MAST4: variants seen among roughly 807,000 people sequenced by gnomAD.
MAST4 encodes the protein microtubule-associated serine/threonine-protein kinase 4.
MAST4 carries 89 observed loss-of-function variants against 162.7 expected under a neutral mutation model. That is an observed-to-expected ratio of 0.55 (90% CI 0.46 to 0.65). The LOEUF (loss-of-function observed/expected upper bound fraction) is 0.65, where lower values mean the gene tolerates loss of function less well. Among genes scored for constraint, MAST4 ranks in the 30% least tolerant of loss-of-function variants. The pLI is 0.00. For missense variants in MAST4, 3,153 were observed against 3,374.0 expected (o/e 0.93, Z 1.62); for synonymous variants, 1,479 against 1,361.1 (o/e 1.09, Z -1.91).
intron 1 of MAST4, among the ~76,000 whole-genome samples, chr5:66,668,776 T>C (rs1046809516): frequency 5.9e-5 from 9 of 152,222 alleles, no homozygotes; most frequent in African/African-American, 1.9e-4. Context: ...TGTCCATGTT[T>C]GTGAAATATG....
intron 3 of MAST4, among the ~76,000 whole-genome samples, chr5:66,800,597 G>A (rs1755869831): frequency 6.6e-6 from 1 of 151,884 alleles, no homozygotes; most frequent in Non-Finnish European, 1.5e-5. Flanking sequence ...ATGGGTACTG[G>A]GATTAATACC....
chr5:66,883,325 T>C (rs764934960), intron 3 of MAST4, among the ~76,000 whole-genome samples: 23 of 152,080 alleles, frequency 1.5e-4, no homozygotes, highest in Non-Finnish European at 2.1e-4. Flanking sequence ...ATAGGAAATT[T>C]GTTCAAGGAG....
Position 67,163,803 on chromosome 5 carries a change from G to A in MAST4, c.4624G>A (p.Asp1542Asn). ...GGCCAAGGTGGTGGTGAAGAAAGCA[G>A]ACGGCTTCCCAGAGAAACAGGAATC... ...LKAKVVVKKA[D>N]GFPEKQESHQ... Residue 1542 changes from aspartate to asparagine, a missense_variant, in exon 29 of 29, where the codon GAC becomes AAC. Physicochemically the swap from Asp to Asn is conservative, Grantham distance 23 (BLOSUM62 1). Around this residue, in one of 7 missense-constraint regions of MAST4, gnomAD observed 1,644 missense variants for 1,495.0 expected, o/e 1.10. Coordinates refer to ENST00000403625, the MANE Select transcript of MAST4 (RefSeq NM_001164664.2). This position sits in a 1 kb window ranked among gnomAD's most constrained non-coding sequence, Gnocchi z 7.0. 2 of 1,612,552 alleles carry A rather than the reference G, an allele frequency of 1.2e-6. No individual in the cohort carries two copies. The highest frequency in any genetic ancestry group is 1.7e-6 in the Non-Finnish European group (2 of 1,179,224).
rs992822516 is a variant in MAST4, at chr5:67,079,289, A to G, written c.764-10873A>G. ...ATATTTGGTGCTGAAAGGTGATAAT[A>G]GAGATTTAGATGGGCTAACACAGAA... On this transcript the variant is annotated intron_variant, in intron 5 of 28. Transcript: ENST00000403625. Among the ~76,000 whole-genome samples the G allele has an allele frequency of 6.6e-5, 10 of 152,266 alleles. No homozygotes were observed. In the East Asian group the frequency reaches 1.7e-3, roughly 26 times the overall value.
At chr5:66,757,040 T>G (rs1449951265) in intron 1 of MAST4, among the ~76,000 whole-genome samples, 1 of 152,210 alleles carries the variant, frequency 6.6e-6, no homozygotes, top group Non-Finnish European at 1.5e-5. Flanking sequence ...TCTCCTTGAT[T>G]TCCTTCTCTT....
intron 2 of MAST4, among the ~76,000 whole-genome samples, chr5:66,782,831 C>T (rs1257067528): frequency 2.0e-5 from 3 of 152,182 alleles, no homozygotes; most frequent in Non-Finnish European, 4.4e-5. Flanking sequence ...ATGCCATTGA[C>T]AGATGCTAAT....
chr5:67,142,415 C>A lies in MAST4; in HGVS notation c.2618-6C>A. On this transcript the variant is annotated splice_region_variant and splice_polypyrimidine_tract_variant and intron_variant, in intron 20 of 28. Transcript: ENST00000403625. ...ATTGGACCTGTTCCCAAACATTTCA[C>A]TGCAGCTCGGTCTGAGAAGTATCAT... 6.3e-7 allele frequency: 1 copy of A among 1,584,302 alleles called. No homozygotes were observed. Among genetic ancestry groups the A allele is most frequent in the Non-Finnish European group, 8.6e-7 (1 of 1,162,498 alleles).
chr5:66,774,994 CCTGT>C (rs1318756229), intron 2 of MAST4, among the ~76,000 whole-genome samples: 15 of 102,218 alleles, frequency 1.5e-4, no homozygotes, highest in African/African-American at 5.0e-4. Context: ...ATATCCTTTT[CCTGT>C]GTGTGTGTGT....
Position 66,775,683 on chromosome 5 carries a change from C to A in MAST4, c.518-12987C>A, listed in dbSNP as rs76634232. ...ATGGTTCTTCAAAAGAACAATGGTT[C>A]TTTTGCTTTGAAACCAGGCAGAATG... On this transcript the variant is annotated intron_variant, in intron 2 of 28. Transcript: ENST00000403625. Among the ~76,000 whole-genome samples the A allele has an allele frequency of 2.3e-3, 344 of 152,076 alleles. 2 individuals are homozygous for A. The highest frequency in any genetic ancestry group is 7.9e-3 in the African/African-American group (328 of 41,506).
chr5:66,897,532 G>A (rs1164728238), intron 3 of MAST4, among the ~76,000 whole-genome samples: 1 of 152,182 alleles, frequency 6.6e-6, no homozygotes, highest in Non-Finnish European at 1.5e-5. Flanking sequence ...ACAAGGTCTT[G>A]GCCACAGCAC....
intron 1 of MAST4, among the ~76,000 whole-genome samples, chr5:66,708,476 C>A (rs1750284052): frequency 6.6e-6 from 1 of 152,148 alleles, no homozygotes; most frequent in South Asian, 2.1e-4. Flanking sequence ...CTAACAGACT[C>A]TAGGTGAGCC....
intron 3 of MAST4, among the ~76,000 whole-genome samples, chr5:66,897,894 A>G (rs1762784114): frequency 6.6e-6 from 1 of 152,194 alleles, no homozygotes; most frequent in African/African-American, 2.4e-5. Context: ...CAAAGCAGCC[A>G]GTTTATGCTC....
chr5:66,883,270 A>G (rs925733739), intron 3 of MAST4, among the ~76,000 whole-genome samples: 2 of 152,122 alleles, frequency 1.3e-5, no homozygotes, highest in African/African-American at 4.8e-5. Flanking sequence ...TATTGTGAGC[A>G]GTGGTCTCTT....
At chr5:67,046,034 A>G (rs1333905485) in intron 4 of MAST4, among the ~76,000 whole-genome samples, 6 of 152,088 alleles carry the variant, frequency 3.9e-5, no homozygotes, top group African/African-American at 1.4e-4. Context: ...TCTTTTCTCA[A>G]TACACAAATA....
Position 66,889,313 on chromosome 5 carries a change from G to A in MAST4, c.643-10638G>A, listed in dbSNP as rs6887895. On this transcript the variant is annotated intron_variant, in intron 3 of 28. Transcript: ENST00000403625. ...AGAAACATAGTTAAGTGGCAGGGCT[G>A]ATACGCATATTTATCAAGAGCCTTC... 5.5e-3 allele frequency among the ~76,000 whole-genome samples: 834 copies of A among 152,196 alleles called. 4 individuals are homozygous for A. Among genetic ancestry groups the A allele is most frequent in the African/African-American group, 0.019 (786 of 41,514 alleles).
At chr5:66,957,185 G>C (rs1301390541) in intron 4 of MAST4, among the ~76,000 whole-genome samples, 1 of 152,164 alleles carries the variant, frequency 6.6e-6, no homozygotes, top group East Asian at 1.9e-4. Context: ...AAAAGTTAAA[G>C]AATTTGTGGA....
chr5:66,613,619 C>T (rs1049242401), intron 1 of MAST4, among the ~76,000 whole-genome samples: 20 of 152,154 alleles, frequency 1.3e-4, no homozygotes, highest in Admixed American at 1.0e-3. Flanking sequence ...GCCCCAGGAG[C>T]TTTCTGAGAC....
intron 1 of MAST4, among the ~76,000 whole-genome samples, chr5:66,614,469 G>A (rs1172123074): frequency 2.6e-5 from 4 of 152,338 alleles, no homozygotes; most frequent in South Asian, 2.1e-4. Context: ...CTTGGGGTAT[G>A]TGAAGCCAAG....
intron 2 of MAST4, among the ~76,000 whole-genome samples, chr5:66,773,565 G>A (rs1754453079): frequency 6.6e-6 from 1 of 152,190 alleles, no homozygotes; most frequent in Non-Finnish European, 1.5e-5. Context: ...TAAAATTCGG[G>A]TGTTGCCAGT....
Sources: gnomAD v4.1 joint callset for allele counts (sites outside exome capture counted in the v4.1 genomes callset) on GRCh38, gnomAD v4.1.1 for gene constraint, gnomAD v4.1.1 regional missense constraint, Gnocchi (gnomAD v3.1) non-coding constraint, MANE v1.5 for transcripts, NCBI Gene and HGNC (gene_info 2026-07-23, HGNC 2026-07-21) for gene names.